Variants in PCDHAC1 observed in about 807,000 individuals in gnomAD.
PCDHAC1 encodes protocadherin alpha-C1.
In PCDHAC1, 42 loss-of-function variants were observed where a neutral mutation model predicts 60.0. The ratio of observed to expected loss-of-function variants is 0.70; its 90% CI spans 0.55 to 0.90. The LOEUF (loss-of-function observed/expected upper bound fraction) is 0.90, where lower values mean the gene tolerates loss of function less well. Ranked by LOEUF, PCDHAC1 falls within the 40% of genes least tolerant of loss-of-function variation. PCDHAC1 has a pLI of 0.00. For missense variants in PCDHAC1, 1,160 were observed against 1,222.3 expected (o/e 0.95, Z 0.76); for synonymous variants, 468 against 499.3 (o/e 0.94, Z 0.84).
chr5:141,009,892 G>GTTT lies in PCDHAC1; in HGVS notation c.2847_2848insTTT (p.Glu949_Lys950insPhe). 6.2e-7 allele frequency: 1 copy of GTTT among 1,612,140 alleles called. No individual in the cohort carries two copies. Among genetic ancestry groups the GTTT allele is most frequent in the Non-Finnish European group, 8.5e-7 (1 of 1,179,578 alleles). ...AGAAGAAGGGTAACAAGACCCAGGAGAAAAAAGAGAAAGGGAACAGCACGA... is the reference window on the plus strand; with the variant it reads ...AGAAGAAGGGTAACAAGACCCAGGAGTTTAAAAAAGAGAAAGGGAACAGCACGA... On this transcript the variant is annotated inframe_insertion, in exon 4 of 4. Transcript: ENST00000253807.
rs1563652468 is a variant in PCDHAC1, at chr5:141,000,419, A to ATTT, written c.2582-9207_2582-9206insTTT. 1.8e-3 allele frequency among the ~76,000 whole-genome samples: 107 copies of ATTT among 60,980 alleles called. 1 individual carries two copies. The highest frequency in any genetic ancestry group is 3.1e-3 in the African/African-American group (41 of 13,160). 40.0% of individuals were successfully genotyped at this position (60,980 alleles called of 152,430 possible). ...TCTATATATATATATATATATATAT[A>ATTT]TATTTTTTTTTTTTTTTTTTTTTTT... On this transcript the variant is annotated intron_variant, in intron 3 of 3. Transcript: ENST00000253807.
At chr5:140,966,489 C>A in intron 1 of PCDHAC1, 2 of 440,146 alleles carry the variant, frequency 4.5e-6, no homozygotes, top group Non-Finnish European at 7.9e-6. Flanking sequence ...TTCCCTCCCC[C>A]TGGAGCTGTA....
chr5:140,949,040 A>G (rs1419524123), intron 1 of PCDHAC1, among the ~76,000 whole-genome samples: 1 of 151,758 alleles, frequency 6.6e-6, no homozygotes, highest in Non-Finnish European at 1.5e-5. Flanking sequence ...ATTTAAAAGT[A>G]TGTTCTAATT....
chr5:140,929,005 A>G lies in PCDHAC1; in HGVS notation c.2113A>G (p.Thr705Ala). Residue 705 changes from threonine (T) to alanine (A), a missense_variant, in exon 1 of 4, where the codon ACC (threonine) becomes GCC (alanine). Thr to Ala is a moderately conservative substitution (Grantham distance 58). Coordinates refer to ENST00000253807, the MANE Select transcript of PCDHAC1 (RefSeq NM_018898.5). ...FLGCLLFFVC[T>A]KLHQSPGCCA... ...GGGGTGCTTACTTTTCTTCGTGTGT[A>G]CCAAGTTGCACCAGAGCCCAGGCTG... 1 of 1,614,062 alleles carries G rather than the reference A, an allele frequency of 6.2e-7. No homozygotes were observed. The highest frequency in any genetic ancestry group is 8.5e-7 in the Non-Finnish European group (1 of 1,180,016).
intron 1 of PCDHAC1, among the ~76,000 whole-genome samples, chr5:140,943,702 G>C (rs2153663732): frequency 6.6e-6 from 1 of 152,280 alleles, no homozygotes; most frequent in South Asian, 2.1e-4. Context: ...AAATATTGTG[G>C]AACACATTTA....
At position 140,981,034 on chromosome 5, in the gene PCDHAC1, A is replaced by G. The variant is rs376817771; in HGVS notation, c.2493-1441A>G. ...ACTTGAAGGCTGTTAATATTTGGGGAAAAAAAACAGATAATTCTAGAGTGT... is the reference window on the plus strand; with the variant it reads ...ACTTGAAGGCTGTTAATATTTGGGGGAAAAAAACAGATAATTCTAGAGTGT... On this transcript the variant is annotated intron_variant, in intron 2 of 3. Transcript: ENST00000253807. Among the ~76,000 whole-genome samples, 183 of 149,642 alleles carry G rather than the reference A, an allele frequency of 1.2e-3. 1 individual carries two copies. Among genetic ancestry groups the G allele is most frequent in the African/African-American group, 4.1e-3 (163 of 39,298 alleles).
intron 2 of PCDHAC1, 83 bp from the exon 3 acceptor site, chr5:140,982,392 T>C: frequency 6.3e-7 from 1 of 1,598,158 alleles, no homozygotes. Context: ...GGCTTCATAG[T>C]TGTAAGCAAT....
chr5:140,931,683 A>G (rs1482331530), intron 1 of PCDHAC1, among the ~76,000 whole-genome samples: 2 of 151,950 alleles, frequency 1.3e-5, no homozygotes, highest in African/African-American at 4.8e-5. Flanking sequence ...AAATAAATGA[A>G]TTGTGATTCA....
chr5:140,928,814 A>G lies in PCDHAC1; in HGVS notation c.1922A>G (p.His641Arg). ...KQRVVVVVRDHGDPPLSSSVT... is the reference protein window; with the variant it reads ...KQRVVVVVRDRGDPPLSSSVT... ...AGGGTGGTGGTAGTGGTTCGGGACCATGGAGACCCACCACTTTCCTCCTCT... is the reference window on the plus strand; with the variant it reads ...AGGGTGGTGGTAGTGGTTCGGGACCGTGGAGACCCACCACTTTCCTCCTCT... The change falls in exon 1 of 4, where the codon CAT becomes CGT. Residue 641 changes from histidine (H) to arginine (R), a missense_variant. Around this residue, in one of 3 missense-constraint regions of PCDHAC1, gnomAD observed 1,113 missense variants for 1,163.7 expected, o/e 0.96. Transcript: ENST00000253807. The G allele has an allele frequency of 6.2e-7, 1 of 1,614,150 alleles. No individual in the cohort carries two copies. The highest frequency in any genetic ancestry group is 2.2e-5 in the East Asian group (1 of 44,882).
rs1454618329 is a variant in PCDHAC1 at position 140,926,823 on chromosome 5, G to C, written c.-70G>C. ...CTTCCCCGCGGCTCGTGCTCTCCAG[G>C]AGTCCGGAGCATGGTCCTGGGTCAC... On this transcript the variant is annotated 5_prime_UTR_variant, in exon 1 of 4. Transcript: ENST00000253807. The C allele has an allele frequency of 6.7e-7, 1 of 1,496,998 alleles. No individual in the cohort carries two copies. The highest frequency in any genetic ancestry group is 8.9e-7 in the Non-Finnish European group (1 of 1,125,252). The allele number at this position is 1,496,998 out of a possible 1,614,324, so 92.7% of individuals were successfully genotyped here.
chr5:140,987,936 T>C lies in PCDHAC1; in HGVS notation c.2581+5373T>C, dbSNP rs80117115. Among the ~76,000 whole-genome samples the C allele has an allele frequency of 7.9e-3, 1,205 of 152,348 alleles. 20 individuals are homozygous for C. Among genetic ancestry groups the C allele is most frequent in the African/African-American group, 0.027 (1,136 of 41,570 alleles). On this transcript the variant is annotated intron_variant, in intron 3 of 3. Coordinates refer to ENST00000253807, the MANE Select transcript of PCDHAC1 (RefSeq NM_018898.5). ...TATTCTTAATTGTCTCAAGGATTCT[T>C]ACCTGTCTGACAAAACCAACTCCCC...
intron 1 of PCDHAC1, among the ~76,000 whole-genome samples, chr5:140,974,639 G>A (rs896104665): frequency 2.0e-5 from 3 of 152,198 alleles, no homozygotes; most frequent in African/African-American, 7.2e-5. Context: ...AACCTCCCGA[G>A]TAGCTGAGAT....
chr5:140,965,708 A>T (rs2095927788), intron 1 of PCDHAC1, among the ~76,000 whole-genome samples: 1 of 152,244 alleles, frequency 6.6e-6, no homozygotes, highest in African/African-American at 2.4e-5. Context: ...AGCTTGAGAG[A>T]AGAATCTCTT....
At chr5:140,946,575 G>A (rs1554217641) in intron 1 of PCDHAC1, among the ~76,000 whole-genome samples, 3 of 140,788 alleles carry the variant, frequency 2.1e-5, no homozygotes, top group Non-Finnish European at 4.6e-5. Flanking sequence ...ATCAACTTAG[G>A]TGTTCATAGT....
intron 1 of PCDHAC1, among the ~76,000 whole-genome samples, chr5:140,974,516 T>G (rs533322332): frequency 2.0e-5 from 3 of 152,328 alleles, no homozygotes; most frequent in African/African-American, 7.2e-5. Context: ...TTTTATTTTA[T>G]TTTAGTTTTT....
chr5:140,990,871 G>GT, intron 3 of PCDHAC1, among the ~76,000 whole-genome samples: 1 of 152,284 alleles, frequency 6.6e-6, no homozygotes, highest in East Asian at 1.9e-4. Context: ...TATTTTAAGT[G>GT]TATGTTCCAG....
At chr5:140,968,317 A>T (rs144335538) in intron 1 of PCDHAC1, 17,308 of 1,614,002 alleles carry the variant, frequency 0.011, 130 homozygotes, top group Non-Finnish European at 0.013. Flanking sequence ...AAGGGCTGCC[A>T]GTCACCTCCT....
At chr5:141,005,632 G>C (rs2098225457) in intron 3 of PCDHAC1, among the ~76,000 whole-genome samples, 2 of 148,162 alleles carry the variant, frequency 1.3e-5, no homozygotes, top group Non-Finnish European at 3.0e-5. Context: ...AACCCGGGAG[G>C]CGGAGCTTGC....
chr5:140,928,676 G>A lies in PCDHAC1; in HGVS notation c.1784G>A (p.Trp595Ter). The A allele has an allele frequency of 1.2e-6, 2 of 1,614,166 alleles. No individual in the cohort carries two copies. The highest frequency in any genetic ancestry group is 2.2e-5 in the East Asian group (1 of 44,886). ...GATGCTGACAGTGGTTCTAATGCCT[G>A]GCTTTCCTACCACATCTCCCGGGCG... ...AEDADSGSNA[W>*]LSYHISRASD... Residue 595 changes from tryptophan (W) to a stop codon, truncating the protein, a stop_gained, in exon 1 of 4, where the codon TGG (tryptophan) becomes TAG (stop). Transcript: ENST00000253807. LOFTEE classifies it high-confidence loss of function.
Sources: allele counts gnomAD v4.1 joint callset (sites outside exome capture counted in the v4.1 genomes callset), GRCh38; gene constraint gnomAD v4.1.1; regional missense constraint gnomAD v4.1.1; transcripts MANE v1.5; gene names NCBI Gene and HGNC (gene_info 2026-07-23, HGNC 2026-07-21).